ADARB2: variants seen among roughly 807,000 people sequenced by gnomAD.
The protein encoded by ADARB2 is adenosine deaminase RNA specific B2 (inactive).
ADARB2 carries 25 observed loss-of-function variants against 62.2 expected under a neutral mutation model. That is an observed-to-expected ratio of 0.40 (90% CI 0.29 to 0.56). The LOEUF (loss-of-function observed/expected upper bound fraction) is 0.56, where lower values mean the gene tolerates loss of function less well. Among genes scored for constraint, ADARB2 ranks in the 20% least tolerant of loss-of-function variants. The pLI, the probability that ADARB2 is intolerant of heterozygous loss-of-function variation, is 0.43. For synonymous variants in ADARB2, 572 were observed against 500.8 expected, an observed-to-expected ratio of 1.14 and a Z score of -1.90; for missense variants, 1,071 against 1,077.4, an observed-to-expected ratio of 0.99 and a Z score of 0.08.
intron 1 of ADARB2, among the ~76,000 whole-genome samples, chr10:1,588,531 A>T (rs1315417753): frequency 6.6e-6 from 1 of 152,230 alleles, no homozygotes; most frequent in East Asian, 1.9e-4. Context: ...TTGCTGGTGA[A>T]CAATCAAACG....
At chr10:1,460,395 G>A in intron 1 of ADARB2, among the ~76,000 whole-genome samples, 1 of 91,002 alleles carries the variant, frequency 1.1e-5, no homozygotes, top group South Asian at 3.5e-4. Context: ...TAACAAACCT[G>A]CCTGTGACCT....
intron 1 of ADARB2, among the ~76,000 whole-genome samples, chr10:1,728,505 C>G (rs1835193823): frequency 1.3e-5 from 2 of 152,106 alleles, no homozygotes; most frequent in Admixed American, 6.5e-5. Context: ...GTCTGTCATC[C>G]CTCTACGTCG....
intron 3 of ADARB2, among the ~76,000 whole-genome samples, chr10:1,320,764 G>T (rs533537360): frequency 8.5e-5 from 13 of 152,300 alleles, no homozygotes; most frequent in Non-Finnish European, 1.8e-4. Context: ...AGAGACAGAT[G>T]ATAAAATAAT....
At chr10:1,455,775 T>G (rs1831088215) in intron 1 of ADARB2, among the ~76,000 whole-genome samples, 1 of 152,240 alleles carries the variant, frequency 6.6e-6, no homozygotes, top group African/African-American at 2.4e-5. Context: ...ACTTATTTTT[T>G]ATAGGGAAGA....
intron 3 of ADARB2, among the ~76,000 whole-genome samples, chr10:1,348,885 G>A (rs990060287): frequency 7.9e-5 from 12 of 152,198 alleles, no homozygotes; most frequent in Middle Eastern, 3.2e-3. Flanking sequence ...AGGCAGGCAT[G>A]CAAGCGACAG....
At chr10:1,318,230 A>G (rs1223127895) in intron 3 of ADARB2, among the ~76,000 whole-genome samples, 4 of 152,284 alleles carry the variant, frequency 2.6e-5, no homozygotes, top group African/African-American at 7.2e-5. Context: ...AGAAGCGTGT[A>G]GTCACAGGTG....
rs578206504 is a variant in ADARB2, at chr10:1,256,332, T to C, written c.1193-14033A>G. Among the ~76,000 whole-genome samples the C allele has an allele frequency of 2.8e-4, 43 of 152,328 alleles. 1 individual carries two copies. The highest frequency in any genetic ancestry group is 2.2e-3 in the Admixed American group (34 of 15,304). On this transcript the variant is annotated intron_variant, in intron 4 of 9. Transcript: ENST00000381312. ...CAAAAGAAGTCTGTGGGATGGAACATGTCCTCCTCCTGCCCTGATGGGGTC... is the reference window on the plus strand; with the variant it reads ...CAAAAGAAGTCTGTGGGATGGAACACGTCCTCCTCCTGCCCTGATGGGGTC...
rs186131921 is a variant in ADARB2 at position 1,668,119 on chromosome 10, T to C, written c.100+68932A>G. ...CTTAGTGATATTAACCGAGGGCCTC[T>C]GTGATTTTCTCTCCAGGCCCTCGCC... On this transcript the variant is annotated intron_variant, in intron 1 of 9. Coordinates refer to ENST00000381312, the MANE Select transcript of ADARB2 (RefSeq NM_018702.4). Among the ~76,000 whole-genome samples the C allele has an allele frequency of 3.2e-3, 494 of 152,328 alleles. 3 individuals are homozygous for C. Among genetic ancestry groups the C allele is most frequent in the Middle Eastern group, 0.02 (6 of 294 alleles).
At chr10:1,599,535 T>C (rs2010959557) in intron 1 of ADARB2, among the ~76,000 whole-genome samples, 1 of 152,142 alleles carries the variant, frequency 6.6e-6, no homozygotes, top group Admixed American at 6.5e-5. Flanking sequence ...GGTGTAGTCC[T>C]GAAGAGCCGT....
At chr10:1,209,354 TA>T (rs1837112343) in intron 7 of ADARB2, among the ~76,000 whole-genome samples, 9 of 115,746 alleles carry the variant, frequency 7.8e-5, no homozygotes, top group Non-Finnish European at 1.3e-4. Context: ...TGCCCATGCC[TA>T]CACCGTCACC....
chr10:1,422,032 TGA>T lies in ADARB2; in HGVS notation c.101-42874_101-42873del, dbSNP rs141169788. On this transcript the variant is annotated intron_variant, in intron 1 of 9. Coordinates refer to ENST00000381312, the MANE Select transcript of ADARB2 (RefSeq NM_018702.4). ...AGGTGCCTGCATCTGAAAGCTGCTG[TGA>T]GTTAGGGAAGCCCCCACCAAAAGGC... Among the ~76,000 whole-genome samples, 1,145 of 152,240 alleles carry T rather than the reference TGA, an allele frequency of 7.5e-3. 8 individuals are homozygous for T. The highest frequency in any genetic ancestry group is 0.012 in the Non-Finnish European group (808 of 68,008).
rs561742714 is a variant in ADARB2, at chr10:1,265,354, G to A, written c.1192+5601C>T. Among the ~76,000 whole-genome samples, 3 of 152,382 alleles carry A rather than the reference G, an allele frequency of 2.0e-5. No individual in the cohort carries two copies. In the South Asian group the frequency reaches 6.2e-4, roughly 32 times the overall value. On this transcript the variant is annotated intron_variant, in intron 4 of 9. Transcript: ENST00000381312. ...AATCATTCGCTCATGAAACACAAGA[G>A]TTTCTAAATAAAGCGGTGCCCTGAC... is the stretch of plus-strand genomic sequence containing the variant.
intron 3 of ADARB2, among the ~76,000 whole-genome samples, chr10:1,298,780 C>G (rs1831547271): frequency 2.8e-5 from 3 of 108,174 alleles, no homozygotes; most frequent in Admixed American, 1.2e-4. Flanking sequence ...TTTAGATTTG[C>G]CCAGGCTGGA....
intron 3 of ADARB2, among the ~76,000 whole-genome samples, chr10:1,327,143 T>C (rs1275936957): frequency 4.1e-5 from 3 of 72,916 alleles, no homozygotes; most frequent in African/African-American, 1.5e-4. Flanking sequence ...GCCTCCTCAC[T>C]GCACAGTGCC....
intron 3 of ADARB2, among the ~76,000 whole-genome samples, chr10:1,313,363 G>T (rs1044952400): frequency 1.3e-5 from 2 of 152,188 alleles, no homozygotes; most frequent in Non-Finnish European, 2.9e-5. Flanking sequence ...CCTGCCAGGG[G>T]GTCCCCACAG....
intron 7 of ADARB2, among the ~76,000 whole-genome samples, chr10:1,208,218 T>G (rs964734412): frequency 1.3e-5 from 2 of 152,214 alleles, no homozygotes; most frequent in Non-Finnish European, 2.9e-5. Context: ...ACCGGATAGG[T>G]GATTTCTCTC....
At chr10:1,438,515 G>T (rs538226560) in intron 1 of ADARB2, among the ~76,000 whole-genome samples, 3 of 147,576 alleles carry the variant, frequency 2.0e-5, no homozygotes, top group African/African-American at 7.6e-5. Context: ...ACAGAGGCAG[G>T]TCCTTCATGA....
chr10:1,681,190 T>G (rs1464781558), intron 1 of ADARB2, among the ~76,000 whole-genome samples: 1 of 152,234 alleles, frequency 6.6e-6, no homozygotes, highest in Non-Finnish European at 1.5e-5. Flanking sequence ...CCTCCAACTC[T>G]TTTTTAGCTG....
At chr10:1,404,244 C>CACG (rs946546450) in intron 1 of ADARB2, among the ~76,000 whole-genome samples, 4 of 16,902 alleles carry the variant, frequency 2.4e-4, no homozygotes, top group Non-Finnish European at 8.9e-4. Flanking sequence ...TATGCTTGGC[C>CACG]ATGAGAGCAG....
Sources: gnomAD v4.1 joint callset for allele counts (sites outside exome capture counted in the v4.1 genomes callset) on GRCh38, gnomAD v4.1.1 for gene constraint, MANE v1.5 for transcripts, NCBI Gene and HGNC (gene_info 2026-07-23, HGNC 2026-07-21) for gene names.